Variants in PSD3 observed in about 807,000 individuals in gnomAD.
The protein encoded by PSD3 is PH and SEC7 domain-containing protein 3.
A neutral mutation model predicts 105.5 loss-of-function variants in PSD3; 49 were observed. The observed-to-expected ratio is 0.46, with a 90% CI of 0.37 to 0.59. The LOEUF (loss-of-function observed/expected upper bound fraction) is 0.59, where lower values mean the gene tolerates loss of function less well. PSD3 is among the 20% of genes least tolerant of loss of function. The probability of loss-of-function intolerance (pLI) is 0.00; values close to 1 mark genes in which losing one functional copy is unlikely to be tolerated. For synonymous variants in PSD3, 557 were observed against 457.8 expected (o/e 1.22, Z -2.77); for missense variants, 1,561 against 1,263.8 (o/e 1.24, Z -3.57).
In PSD3 at chr8:18,936,088, T is replaced by G. The variant is rs568997212; in HGVS notation, c.76A>C (p.Lys26Gln). ...CCAAATAAAAATTCATATTTGGCCTTGGCAACACTCTGGGAATGTGCAGAT... is the reference window on the plus strand; with the variant it reads ...CCAAATAAAAATTCATATTTGGCCTGGGCAACACTCTGGGAATGTGCAGAT... ...NASAHSQSVA[K>Q]AKYEFLFGRS... The change falls in exon 2 of 16, where the codon AAG becomes CAG. Residue 26 changes from lysine to glutamine, a missense_variant. Coordinates refer to ENST00000327040, the MANE Select transcript of PSD3 (RefSeq NM_015310.4). 1.1e-4 allele frequency: 175 copies of G among 1,613,558 alleles called. No homozygotes were observed. The East Asian group carries it at 3.7e-3, about 34-fold the overall frequency.
intron 9 of PSD3, among the ~76,000 whole-genome samples, chr8:18,704,849 A>G (rs980733690): frequency 3.3e-5 from 5 of 152,230 alleles, no homozygotes; most frequent in African/African-American, 4.8e-5. Context: ...CGACAAAGGT[A>G]ATAATAATGT....
intron 8 of PSD3, among the ~76,000 whole-genome samples, chr8:18,770,640 T>C (rs947663656): frequency 6.6e-6 from 1 of 152,200 alleles, no homozygotes; most frequent in Non-Finnish European, 1.5e-5. Context: ...GAGTGAACTC[T>C]GTACTGGTCC....
Position 18,535,681 on chromosome 8 carries a change from AG to A in PSD3, c.*61del. ...TTTTTAAATATATTCACGGATTACC[AG>A]AAAGATCTTGAAAAACCCTATTTTG... is the stretch of plus-strand genomic sequence containing the variant. On this transcript the variant is annotated 3_prime_UTR_variant, in exon 16 of 16. Coordinates refer to ENST00000327040, the MANE Select transcript of PSD3 (RefSeq NM_015310.4). 1.5e-6 allele frequency: 2 copies of A among 1,345,304 alleles called. No homozygotes were observed. The highest frequency in any genetic ancestry group is 2.1e-6 in the Non-Finnish European group (2 of 941,928). The allele number at this position is 1,345,304 out of a possible 1,614,324, so 83.3% of individuals were successfully genotyped here. A position where few individuals can be genotyped will look rare whatever the true frequency, so the allele number is the denominator to read the frequency against.
At chr8:18,980,873 C>A (rs1295412836) in intron 1 of PSD3, among the ~76,000 whole-genome samples, 1 of 152,204 alleles carries the variant, frequency 6.6e-6, no homozygotes, top group Non-Finnish European at 1.5e-5. Context: ...CCACAGTGAA[C>A]CTCTTTCAGT....
At chr8:18,694,816 T>C (rs1222833996) in intron 9 of PSD3, among the ~76,000 whole-genome samples, 1 of 62,770 alleles carries the variant, frequency 1.6e-5, no homozygotes, top group Non-Finnish European at 4.6e-5. Context: ...AAACCCTATC[T>C]CCACTGAAAA....
At chr8:18,576,199 C>T (rs1293615454) in intron 12 of PSD3, among the ~76,000 whole-genome samples, 1 of 152,140 alleles carries the variant, frequency 6.6e-6, no homozygotes, top group African/African-American at 2.4e-5. Context: ...TGTACTATTG[C>T]CATCAATTCA....
chr8:18,856,778 G>C (rs1816044287), intron 4 of PSD3, among the ~76,000 whole-genome samples: 1 of 152,078 alleles, frequency 6.6e-6, no homozygotes, highest in Admixed American at 6.6e-5. Context: ...AAGTCAATTC[G>C]ATTTTACCAC....
chr8:18,670,780 C>T (rs1037886949), intron 9 of PSD3, among the ~76,000 whole-genome samples: 5 of 151,960 alleles, frequency 3.3e-5, no homozygotes, highest in African/African-American at 4.8e-5. Flanking sequence ...AAAATGTGTG[C>T]GAGTATCTGG....
rs115751413 is a variant in PSD3, at chr8:18,619,315, G to A, written c.2410+13298C>T. The stretch of plus-strand genomic sequence containing the variant: ...GCAGATCAAAAGACTGATCAAAACA[G>A]ACTCTGTGTGGCAATAAGATACCAG... On this transcript the variant is annotated intron_variant, in intron 11 of 15. Transcript: ENST00000327040. Among the ~76,000 whole-genome samples, 398 of 152,248 alleles carry A rather than the reference G, an allele frequency of 2.6e-3. 1 individual carries two copies. The highest frequency in any genetic ancestry group is 9.1e-3 in the African/African-American group (376 of 41,538).
At chr8:19,026,839 C>G (rs562495759) in intron 1 of PSD3, among the ~76,000 whole-genome samples, 1 of 151,928 alleles carries the variant, frequency 6.6e-6, no homozygotes, top group Non-Finnish European at 1.5e-5. Context: ...CATCACTGCA[C>G]TCTAGCCCTG....
At chr8:19,054,526 T>C (rs957526958) in intron 1 of PSD3, among the ~76,000 whole-genome samples, 3 of 152,162 alleles carry the variant, frequency 2.0e-5, no homozygotes, top group Non-Finnish European at 4.4e-5. Flanking sequence ...TTGTCATGGA[T>C]TCAACTTATT....
intron 3 of PSD3, among the ~76,000 whole-genome samples, chr8:18,868,772 A>G (rs1166152040): frequency 1.3e-5 from 2 of 152,230 alleles, no homozygotes; most frequent in Admixed American, 1.3e-4. Flanking sequence ...TACAAATATT[A>G]AAAACGAACA....
intron 1 of PSD3, among the ~76,000 whole-genome samples, chr8:19,053,686 G>A (rs1373246054): frequency 6.6e-6 from 1 of 152,020 alleles, no homozygotes; most frequent in African/African-American, 2.4e-5. Flanking sequence ...CAGCTACTCA[G>A]GAGGCTGAGG....
intron 2 of PSD3, among the ~76,000 whole-genome samples, chr8:18,881,147 T>C (rs1303425117): frequency 6.6e-6 from 1 of 152,228 alleles, no homozygotes; most frequent in Non-Finnish European, 1.5e-5. Context: ...CAAAGATGCT[T>C]TTCCTGCAAT....
At chr8:18,864,883 T>A in intron 4 of PSD3, 1 of 151,956 alleles carries the variant, frequency 6.6e-6, no homozygotes, top group East Asian at 1.9e-4. Context: ...GCCAGCTCAC[T>A]GATTGCTTTA....
intron 6 of PSD3, among the ~76,000 whole-genome samples, chr8:18,802,589 T>C (rs1810797690): frequency 6.6e-6 from 1 of 152,188 alleles, no homozygotes; most frequent in Admixed American, 6.5e-5. Flanking sequence ...ATAACTGTTT[T>C]TGTTAGAAAA....
intron 4 of PSD3, among the ~76,000 whole-genome samples, chr8:18,845,046 T>G (rs1237400436): frequency 6.6e-6 from 1 of 152,148 alleles, no homozygotes; most frequent in Non-Finnish European, 1.5e-5. Context: ...AATCTTGTTA[T>G]GTAAAGGGGA....
intron 15 of PSD3, among the ~76,000 whole-genome samples, chr8:18,552,067 T>A (rs575702372): frequency 1.3e-5 from 2 of 152,226 alleles, no homozygotes; most frequent in Non-Finnish European, 2.9e-5. Context: ...CAGTATTATG[T>A]TGGCCAAAGA....
chr8:18,948,306 A>G (rs139332115), intron 1 of PSD3, among the ~76,000 whole-genome samples: 1 of 152,218 alleles, frequency 6.6e-6, no homozygotes, highest in African/African-American at 2.4e-5. Context: ...TACTGGCTAC[A>G]GACTCTGGAT....
Sources: gnomAD v4.1 joint callset for allele counts (sites outside exome capture counted in the v4.1 genomes callset) on GRCh38, gnomAD v4.1.1 for gene constraint, MANE v1.5 for transcripts, NCBI Gene and HGNC (gene_info 2026-07-23, HGNC 2026-07-21) for gene names.